The following ARIH1 variants were observed in gnomAD, a reference collection of about 807,000 sequenced individuals.
ARIH1 encodes the protein ariadne RBR E3 ubiquitin protein ligase 1.
In ARIH1, 8 loss-of-function variants were observed where a neutral mutation model predicts 85.0. The observed-to-expected ratio is 0.09, with a 90% CI of 0.06 to 0.17. The LOEUF is 0.17. Ranked by LOEUF, ARIH1 falls within the 10% of genes least tolerant of loss-of-function variation. ARIH1 has a pLI of 1.00. For synonymous variants in ARIH1, 238 were observed against 253.6 expected (o/e 0.94, Z 0.59); for missense variants, 311 against 718.1 (o/e 0.43, Z 6.48).
chr15:72,533,734 C>G (rs2064068499), intron 2 of ARIH1, among the ~76,000 whole-genome samples: 1 of 151,962 alleles, frequency 6.6e-6, no homozygotes, highest in South Asian at 2.1e-4. Flanking sequence ...TAGTGAGACC[C>G]CGTATTTACA....
chr15:72,521,208 C>A (rs56130638), intron 2 of ARIH1, among the ~76,000 whole-genome samples: 1 of 136,454 alleles, frequency 7.3e-6, no homozygotes, highest in African/African-American at 2.7e-5. Flanking sequence ...TGCCCCCCCC[C>A]CCCCCTTTTC....
intron 1 of ARIH1, 75 bp from the exon 2 acceptor site, chr15:72,517,992 T>C: frequency 8.9e-7 from 1 of 1,125,874 alleles, no homozygotes; most frequent in Non-Finnish European, 1.3e-6. Flanking sequence ...GAAATTTAAC[T>C]TCAACCTAGG....
rs1311245151 is a variant in ARIH1, at chr15:72,602,754, C to T, written c.*19462C>T. On this transcript the variant is annotated 3_prime_UTR_variant, in exon 14 of 14. Coordinates refer to ENST00000379887, the MANE Select transcript of ARIH1 (RefSeq NM_005744.5). The stretch of plus-strand genomic sequence containing the variant: ...TGCCCTTATTAGCCAGAGAAATGTT[C>T]CCCCTTTCTCCCAGGAAACGTTCTG... 6.6e-6 allele frequency: 1 copy of T among 152,182 alleles called. No individual in the cohort carries two copies. The highest frequency in any genetic ancestry group is 1.5e-5 in the Non-Finnish European group (1 of 68,050). The allele number at this position is 152,182 out of a possible 1,614,324, so 9.4% of individuals were successfully genotyped here.
At chr15:72,481,873 CTT>C (rs1006134196) in intron 1 of ARIH1, among the ~76,000 whole-genome samples, 3 of 152,040 alleles carry the variant, frequency 2.0e-5, no homozygotes, top group Non-Finnish European at 4.4e-5. Flanking sequence ...TCTTTTCTCT[CTT>C]GCCCAGGCTG....
At chr15:72,475,696 G>C (rs891396681) in intron 1 of ARIH1, among the ~76,000 whole-genome samples, 1 of 152,142 alleles carries the variant, frequency 6.6e-6, no homozygotes, top group East Asian at 1.9e-4. Flanking sequence ...GAAGCTGTTG[G>C]AATAGTTACT....
Position 72,530,933 on chromosome 15 carries a change from G to C in ARIH1, c.443+12799G>C, listed in dbSNP as rs142419724. ...CATTGAGTTTTAGAAAGAGAGGAGA[G>C]AATGTGGCAGAGGCAGTATTTTAAG... On this transcript the variant is annotated intron_variant, in intron 2 of 13. Coordinates refer to ENST00000379887, the MANE Select transcript of ARIH1 (RefSeq NM_005744.5). Among the ~76,000 whole-genome samples, 32 of 152,246 alleles carry C rather than the reference G, an allele frequency of 2.1e-4. No individual in the cohort carries two copies. In the East Asian group the frequency reaches 6.2e-3, roughly 29 times the overall value.
At chr15:72,507,069 C>A (rs945245212) in intron 1 of ARIH1, among the ~76,000 whole-genome samples, 2 of 152,106 alleles carry the variant, frequency 1.3e-5, no homozygotes, top group East Asian at 3.8e-4. Context: ...GTCGCCCAGG[C>A]TGGAGTGCAG....
intron 1 of ARIH1, among the ~76,000 whole-genome samples, chr15:72,506,351 C>CAAAAAAAAA (rs71134002): frequency 0.045 from 3,282 of 72,866 alleles, 361 homozygotes; most frequent in Middle Eastern, 0.11. Context: ...CTCCGTCTCA[C>CAAAAAAAAA]AAAAAAAAAA....
intron 2 of ARIH1, among the ~76,000 whole-genome samples, chr15:72,535,962 C>T (rs548327919): frequency 1.3e-5 from 2 of 152,264 alleles, no homozygotes; most frequent in South Asian, 4.1e-4. Flanking sequence ...GGGCAGAGAA[C>T]ATTTGTAAAT....
chr15:72,517,939 AAAG>A lies in ARIH1; in HGVS notation c.376-125_376-123del, dbSNP rs1350899904. On this transcript the variant is annotated intron_variant, in intron 1 of 13. Coordinates refer to ENST00000379887, the MANE Select transcript of ARIH1 (RefSeq NM_005744.5). ...TTCAAATATATTTCCTTAGAGGAAT[AAAG>A]AAATAACTCTAGGGATGGAAATTTG... The A allele has an allele frequency of 1.1e-5, 7 of 621,804 alleles. No homozygotes were observed. In the East Asian group the frequency reaches 2.0e-4, roughly 17 times the overall value. 38.5% of individuals were successfully genotyped at this position (621,804 alleles called of 1,614,324 possible).
At chr15:72,512,519 T>G (rs1482430609) in intron 1 of ARIH1, among the ~76,000 whole-genome samples, 1 of 144,978 alleles carries the variant, frequency 6.9e-6, no homozygotes, top group African/African-American at 2.5e-5. Context: ...GGTTTTTTTC[T>G]TTTTTTTTTT....
At chr15:72,484,014 A>G (rs939141600) in intron 1 of ARIH1, among the ~76,000 whole-genome samples, 3 of 151,292 alleles carry the variant, frequency 2.0e-5, no homozygotes, top group African/African-American at 4.9e-5. Context: ...CTACTAAAAA[A>G]ATACAAAAAT....
intron 2 of ARIH1, among the ~76,000 whole-genome samples, chr15:72,521,737 G>C (rs540352213): frequency 6.6e-6 from 1 of 151,598 alleles, no homozygotes; most frequent in East Asian, 1.9e-4. Flanking sequence ...TTAGTAGAGA[G>C]AGGGTTTCAC....
At position 72,563,476 on chromosome 15, in the gene ARIH1, G is replaced by A. The variant is rs769846251; in HGVS notation, c.887G>A (p.Arg296His). 2.5e-6 allele frequency: 4 copies of A among 1,613,836 alleles called. No individual in the cohort carries two copies. The highest frequency in any genetic ancestry group is 2.7e-5 in the African/African-American group (2 of 74,860). ...KVQYPDAKPV[R>H]CKCGRQFCFN... ...CAATATCCTGATGCTAAACCTGTTCGCTGCAAATGTGGGCGCCAATTTTGG... is the reference window on the plus strand; with the variant it reads ...CAATATCCTGATGCTAAACCTGTTCACTGCAAATGTGGGCGCCAATTTTGG... The change falls in exon 7 of 14, where the codon CGC becomes CAC. Residue 296 changes from arginine to histidine, a missense_variant. Transcript: ENST00000379887.
At chr15:72,526,025 G>A (rs2064026438) in intron 2 of ARIH1, among the ~76,000 whole-genome samples, 1 of 152,080 alleles carries the variant, frequency 6.6e-6, no homozygotes, top group South Asian at 2.1e-4. Flanking sequence ...TTAAGAAAAG[G>A]TAAGCAATAT....
chr15:72,577,047 G>A (rs1279952734), intron 11 of ARIH1, among the ~76,000 whole-genome samples: 7 of 151,652 alleles, frequency 4.6e-5, no homozygotes. Context: ...CCAGTGGCAG[G>A]TCTCAGCTCC....
chr15:72,562,448 A>G (rs557950634), intron 6 of ARIH1, among the ~76,000 whole-genome samples: 22 of 152,342 alleles, frequency 1.4e-4, no homozygotes, highest in Middle Eastern at 3.4e-3. Flanking sequence ...ACCTGGAAAC[A>G]GCCTATTTTA....
chr15:72,534,613 C>T (rs2064072735), intron 2 of ARIH1, among the ~76,000 whole-genome samples: 1 of 152,152 alleles, frequency 6.6e-6, no homozygotes, highest in Non-Finnish European at 1.5e-5. Context: ...TCACTGCTCT[C>T]CTAGGCTCTA....
chr15:72,557,026 T>C (rs1595869313), intron 5 of ARIH1, among the ~76,000 whole-genome samples: 1 of 152,242 alleles, frequency 6.6e-6, no homozygotes, highest in East Asian at 1.9e-4. Context: ...ACAGTGAACA[T>C]ACTAGTGAAT....
Sources: gnomAD v4.1 joint callset for allele counts (sites outside exome capture counted in the v4.1 genomes callset) on GRCh38, gnomAD v4.1.1 for gene constraint, MANE v1.5 for transcripts, NCBI Gene and HGNC (gene_info 2026-07-23, HGNC 2026-07-21) for gene names.